Variants in EXOC4 observed in about 807,000 individuals in gnomAD.
The protein encoded by EXOC4 is exocyst complex component 4.
EXOC4 carries 71 observed loss-of-function variants against 107.2 expected under a neutral mutation model. That is an observed-to-expected ratio of 0.66 (90% CI 0.55 to 0.81). EXOC4 has a LOEUF of 0.81. EXOC4 is among the 30% of genes least tolerant of loss of function. The pLI, the probability that EXOC4 is intolerant of heterozygous loss-of-function variation, is 0.00. For missense variants in EXOC4, 1,108 were observed against 1,189.6 expected (o/e 0.93, Z 1.01); for synonymous variants, 456 against 441.2 (o/e 1.03, Z -0.42).
At chr7:133,391,864 A>G (rs1259822878) in intron 7 of EXOC4, among the ~76,000 whole-genome samples, 1 of 152,220 alleles carries the variant, frequency 6.6e-6, no homozygotes, top group African/African-American at 2.4e-5. Context: ...ATAGAAAGTA[A>G]TAGATTACAT....
Position 134,047,078 on chromosome 7 carries a change from T to C in EXOC4, c.2688-17213T>C, listed in dbSNP as rs1057205214. ...TGTGTGTTAGCTGGCTCTTCAGAAA[T>C]AAAATATCTTTTCTTAAAGAAATTA... On this transcript the variant is annotated intron_variant, in intron 17 of 17. Transcript: ENST00000253861. 2.8e-4 allele frequency among the ~76,000 whole-genome samples: 42 copies of C among 151,884 alleles called. 1 individual carries two copies. The highest frequency in any genetic ancestry group is 9.0e-4 in the African/African-American group (37 of 41,154).
intron 5 of EXOC4, among the ~76,000 whole-genome samples, chr7:133,328,244 T>C (rs1348324463): frequency 6.8e-6 from 1 of 147,054 alleles, no homozygotes; most frequent in Middle Eastern, 3.4e-3. Flanking sequence ...AGACTAGGAT[T>C]GCAACCCCTG....
At chr7:133,753,479 A>G (rs551880344) in intron 10 of EXOC4, among the ~76,000 whole-genome samples, 1 of 152,352 alleles carries the variant, frequency 6.6e-6, no homozygotes, top group East Asian at 1.9e-4. Context: ...AACTCTAGAA[A>G]TCAGCTATGT....
intron 10 of EXOC4, among the ~76,000 whole-genome samples, chr7:133,692,057 G>A (rs1162367380): frequency 6.6e-6 from 1 of 152,168 alleles, no homozygotes; most frequent in African/African-American, 2.4e-5. Context: ...GTCTTTGGAA[G>A]ACGTTCACTT....
At chr7:133,906,085 T>C (rs952324935) in intron 12 of EXOC4, among the ~76,000 whole-genome samples, 1 of 151,856 alleles carries the variant, frequency 6.6e-6, no homozygotes, top group Non-Finnish European at 1.5e-5. Flanking sequence ...GGTAAAAGAG[T>C]GCTTTCATAG....
chr7:133,723,478 T>C (rs13307576), intron 10 of EXOC4, among the ~76,000 whole-genome samples: 5 of 79,156 alleles, frequency 6.3e-5, no homozygotes, highest in Non-Finnish European at 9.8e-5. Flanking sequence ...ACATCTTTTT[T>C]TTTCTTTCTT....
chr7:133,599,367 A>G (rs1056789889), intron 9 of EXOC4, among the ~76,000 whole-genome samples: 1 of 152,150 alleles, frequency 6.6e-6, no homozygotes, highest in African/African-American at 2.4e-5. Flanking sequence ...TTTTGTCATA[A>G]TGTCCTTGCT....
At chr7:133,707,808 G>A (rs951987215) in intron 10 of EXOC4, among the ~76,000 whole-genome samples, 33 of 152,062 alleles carry the variant, frequency 2.2e-4, no homozygotes, top group African/African-American at 8.0e-4. Context: ...TAGAGACGGA[G>A]TTTTGCCATG....
At chr7:133,760,347 T>G (rs1796007991) in intron 10 of EXOC4, among the ~76,000 whole-genome samples, 1 of 152,184 alleles carries the variant, frequency 6.6e-6, no homozygotes, top group Non-Finnish European at 1.5e-5. Context: ...AAATATTGTC[T>G]TGGTTCATAG....
chr7:133,785,364 GAATTCAGA>G (rs1796546323), intron 10 of EXOC4, among the ~76,000 whole-genome samples: 1 of 123,412 alleles, frequency 8.1e-6, no homozygotes, highest in Admixed American at 9.1e-5. Flanking sequence ...CACTTCCATA[GAATTCAGA>G]AATGTTTTTA....
intron 9 of EXOC4, among the ~76,000 whole-genome samples, chr7:133,490,615 T>C (rs572725917): frequency 1.3e-5 from 2 of 152,284 alleles, no homozygotes; most frequent in South Asian, 4.1e-4. Context: ...GAACTCAGTT[T>C]ATATATACAG....
chr7:134,051,578 A>AG (rs1795789844), intron 17 of EXOC4, among the ~76,000 whole-genome samples: 1 of 151,874 alleles, frequency 6.6e-6, no homozygotes. Context: ...AGGCTGAGGC[A>AG]GAGAATTGCT....
intron 17 of EXOC4, among the ~76,000 whole-genome samples, chr7:134,046,262 G>A (rs938435026): frequency 4.6e-5 from 7 of 152,002 alleles, no homozygotes; most frequent in African/African-American, 9.7e-5. Context: ...CAGGCGGATC[G>A]CTTGAGGCCA....
intron 2 of EXOC4, among the ~76,000 whole-genome samples, chr7:133,284,072 GTGTGGTCA>G (rs780580525): frequency 4.6e-5 from 7 of 152,152 alleles, no homozygotes; most frequent in Non-Finnish European, 8.8e-5. Context: ...GAGAATTTTG[GTGTGGTCA>G]TTTTCTACAC....
intron 17 of EXOC4, 149 bp downstream of exon 17, chr7:134,007,984 G>T (rs1050573956): frequency 3.0e-6 from 2 of 671,808 alleles, no homozygotes; most frequent in Non-Finnish European, 4.6e-6. Context: ...GTCCTATAGA[G>T]AAAATAATTC....
intron 5 of EXOC4, among the ~76,000 whole-genome samples, chr7:133,349,151 A>G (rs1326200293): frequency 6.6e-6 from 1 of 152,072 alleles, no homozygotes; most frequent in Non-Finnish European, 1.5e-5. Context: ...TTATTGTGGT[A>G]ACGTCACATA....
intron 3 of EXOC4, among the ~76,000 whole-genome samples, chr7:133,294,517 T>C (rs552827921): frequency 6.6e-6 from 1 of 152,234 alleles, no homozygotes; most frequent in South Asian, 2.1e-4. Context: ...GAATGTCTCT[T>C]AATCATTTTG....
In EXOC4 at chr7:133,918,928, CTG is replaced by C. The variant is rs140716299; in HGVS notation, c.2027+1194_2027+1195del. Among the ~76,000 whole-genome samples, 364 of 152,318 alleles carry C rather than the reference CTG, an allele frequency of 2.4e-3. 5 individuals are homozygous for C. Among genetic ancestry groups the C allele is most frequent in the African/African-American group, 8.2e-3 (340 of 41,562 alleles). On this transcript the variant is annotated intron_variant, in intron 13 of 17. Coordinates refer to ENST00000253861, the MANE Select transcript of EXOC4 (RefSeq NM_021807.4). ...GCCCATGTTTTCATTCATCACAGAA[CTG>C]TGTTCTTATCTCTCTCAAATTGTGC...
intron 14 of EXOC4, among the ~76,000 whole-genome samples, chr7:133,964,765 TTG>T (rs1363110711): frequency 1.3e-5 from 2 of 152,228 alleles, no homozygotes; most frequent in Admixed American, 6.5e-5. Context: ...GCCTTTGCTA[TTG>T]TGAACAGTGC....
Sources: gnomAD v4.1 joint callset for allele counts (sites outside exome capture counted in the v4.1 genomes callset) on GRCh38, gnomAD v4.1.1 for gene constraint, MANE v1.5 for transcripts, NCBI Gene and HGNC (gene_info 2026-07-23, HGNC 2026-07-21) for gene names.